SH3GLB1: variants seen among roughly 807,000 people sequenced by gnomAD.
The protein encoded by SH3GLB1 is SH3 domain containing GRB2 like, endophilin B1, also known as endophilin-B1.
In SH3GLB1, 17 loss-of-function variants were observed where a neutral mutation model predicts 42.0. The ratio of observed to expected loss-of-function variants is 0.40; its 90% confidence interval spans 0.28 to 0.61. SH3GLB1 has a LOEUF of 0.61. Among genes scored for constraint, SH3GLB1 ranks in the 20% least tolerant of loss-of-function variants. The probability of loss-of-function intolerance (pLI) is 0.36; values close to 1 mark genes in which losing one functional copy is unlikely to be tolerated. For missense variants in SH3GLB1, 355 were observed against 426.3 expected (o/e 0.83, Z 1.47); for synonymous variants, 132 against 146.6 (o/e 0.90, Z 0.72).
chr1:86,724,913 A>ATATATATATATATATATATAT (rs1553208269), intron 5 of SH3GLB1, among the ~76,000 whole-genome samples: 1 of 122,458 alleles, frequency 8.2e-6, no homozygotes, highest in African/African-American at 3.8e-5. Context: ...ATATATATAT[A>ATATATATATATATATATATAT]AAATATATAA....
chr1:86,739,362 G>T (rs571022233), intron 7 of SH3GLB1, among the ~76,000 whole-genome samples: 1 of 152,206 alleles, frequency 6.6e-6, no homozygotes, highest in African/African-American at 2.4e-5. Flanking sequence ...TGGAAACTAA[G>T]AGTATGGCCT....
chr1:86,722,147 C>G lies in SH3GLB1; in HGVS notation c.344-393C>G, dbSNP rs567211186. The stretch of plus-strand genomic sequence containing the variant: ...ACTGCAGACATATGCCACCACTGTG[C>G]CTGGCTCCTCAGCCATCCTTTTTTT... On this transcript the variant is annotated intron_variant, in intron 3 of 8. Coordinates refer to ENST00000370558, the MANE Select transcript of SH3GLB1 (RefSeq NM_016009.5). 4.0e-5 allele frequency among the ~76,000 whole-genome samples: 6 copies of G among 150,730 alleles called. No homozygotes were observed. The East Asian group carries it at 1.2e-3, about 29-fold the overall frequency.
At chr1:86,715,185 A>G (rs943096345) in intron 1 of SH3GLB1, among the ~76,000 whole-genome samples, 1 of 152,002 alleles carries the variant, frequency 6.6e-6, no homozygotes, top group Non-Finnish European at 1.5e-5. Context: ...CTCTTTCAAA[A>G]CTTAATAATT....
At chr1:86,743,062 C>A in intron 8 of SH3GLB1, 66 bp from the exon 9 acceptor site, 2 of 1,220,760 alleles carry the variant, frequency 1.6e-6, no homozygotes, top group Non-Finnish European at 2.4e-6. Context: ...AAATACAAAT[C>A]TGATTGGTTT....
chr1:86,724,882 A>ATATAT (rs1429770726), intron 5 of SH3GLB1, among the ~76,000 whole-genome samples: 2 of 106,042 alleles, frequency 1.9e-5, no homozygotes, highest in African/African-American at 9.8e-5. Flanking sequence ...TTTAAAAAAA[A>ATATAT]AAAAAAAAAA....
rs1654482986 is a variant in SH3GLB1, at chr1:86,715,750, T to C, written c.99T>C (p.Ala33=). Residue 33 remains alanine, a synonymous_variant, in exon 2 of 9, where the codon GCT becomes GCC. Transcript: ENST00000370558. ...TCACAGAAGAAAAGCTTGGCCAGGC[T>C]GAGAAGACAGAATTGGATGCTCACT... The part of the protein sequence containing the change: ...VQFTEEKLGQ[A]EKTELDAHLE... The C allele has an allele frequency of 6.2e-7, 1 of 1,607,604 alleles. No homozygotes were observed. The highest frequency in any genetic ancestry group is 8.5e-7 in the Non-Finnish European group (1 of 1,178,566).
intron 5 of SH3GLB1, among the ~76,000 whole-genome samples, chr1:86,731,249 G>A (rs903964004): frequency 1.3e-5 from 2 of 152,188 alleles, no homozygotes; most frequent in Non-Finnish European, 2.9e-5. Context: ...ACCAAACTCT[G>A]ACATCCACAT....
chr1:86,733,019 C>G (rs1220434248), intron 5 of SH3GLB1, among the ~76,000 whole-genome samples: 1 of 152,000 alleles, frequency 6.6e-6, no homozygotes, highest in Non-Finnish European at 1.5e-5. Flanking sequence ...CCAAGCAGAA[C>G]AGTTAATAGT....
chr1:86,713,995 T>C (rs955644323), intron 1 of SH3GLB1, among the ~76,000 whole-genome samples: 3 of 152,222 alleles, frequency 2.0e-5, no homozygotes, highest in Non-Finnish European at 4.4e-5. Context: ...AATAAGTATT[T>C]GTTGAAGGAA....
At chr1:86,715,205 C>T (rs973520500) in intron 1 of SH3GLB1, among the ~76,000 whole-genome samples, 11 of 138,140 alleles carry the variant, frequency 8.0e-5, no homozygotes, top group African/African-American at 2.2e-4. Context: ...TACAAGGCAC[C>T]AAACAAAGTG....
chr1:86,719,686 T>A (rs770270274), intron 3 of SH3GLB1, 51 bp downstream of exon 3: 8 of 1,577,982 alleles, frequency 5.1e-6, no homozygotes, highest in Non-Finnish European at 6.9e-6. Context: ...TGTTTAGATT[T>A]ATTAGAGATG....
chr1:86,730,353 C>T, intron 5 of SH3GLB1: 2 of 985,346 alleles, frequency 2.0e-6, no homozygotes, highest in African/African-American at 3.5e-5. Flanking sequence ...ACCTGTTATA[C>T]TAAGTGGTAA....
At chr1:86,734,887 C>T (rs1655703611) in intron 6 of SH3GLB1, among the ~76,000 whole-genome samples, 192 bp from the exon 7 acceptor site, 1 of 152,086 alleles carries the variant, frequency 6.6e-6, no homozygotes, top group Non-Finnish European at 1.5e-5. Context: ...ATTAAATATA[C>T]ATGTTGTTGT....
chr1:86,725,096 G>T lies in SH3GLB1; in HGVS notation c.570+691G>T, dbSNP rs185031376. Among the ~76,000 whole-genome samples the T allele has an allele frequency of 4.1e-3, 617 of 150,274 alleles. 17 individuals are homozygous for T. The highest frequency in any genetic ancestry group is 6.9e-4 in the Non-Finnish European group (47 of 67,674). On this transcript the variant is annotated intron_variant, in intron 5 of 8. Transcript: ENST00000370558. Reference sequence around the variant, plus strand: ...TCATTTTTTTTAAATATCGTCAGTGGTCGCAAATATTTTTGGAGATAGATT... The same window carrying T: ...TCATTTTTTTTAAATATCGTCAGTGTTCGCAAATATTTTTGGAGATAGATT...
chr1:86,734,611 G>A lies in SH3GLB1; in HGVS notation c.580G>A (p.Glu194Lys), dbSNP rs1404546915. 1.9e-6 allele frequency: 3 copies of A among 1,610,552 alleles called. No homozygotes were observed. The highest frequency in any genetic ancestry group is 2.5e-6 in the Non-Finnish European group (3 of 1,177,076). The change falls in exon 6 of 9, where the codon GAA becomes AAA. Residue 194 changes from glutamate to lysine, a missense_variant. Coordinates refer to ENST00000370558, the MANE Select transcript of SH3GLB1 (RefSeq NM_016009.5). ...TATATTCTTACTTAAGTCTGAACAG[G>A]AATTAAGAATAACTCAAAGTGAATT... ...AAETRNSSEQ[E>K]LRITQSEFDR...
rs766651023 is a variant in SH3GLB1 at position 86,724,410 on chromosome 1, G to A, written c.570+5G>A. 1.3e-6 allele frequency: 2 copies of A among 1,573,570 alleles called. No individual in the cohort carries two copies. Among genetic ancestry groups the A allele is most frequent in the East Asian group, 2.3e-5 (1 of 44,024 alleles). ...GCTGCAGAAACTAGAAATTCAGTAAGTAAATAGAAAAATATTTTTGATTAA... is the reference window on the plus strand; with the variant it reads ...GCTGCAGAAACTAGAAATTCAGTAAATAAATAGAAAAATATTTTTGATTAA... On this transcript the variant is annotated splice_donor_5th_base_variant and intron_variant, in intron 5 of 8. Coordinates refer to ENST00000370558, the MANE Select transcript of SH3GLB1 (RefSeq NM_016009.5).
chr1:86,733,272 C>T (rs1278800155), intron 5 of SH3GLB1, among the ~76,000 whole-genome samples: 1 of 152,202 alleles, frequency 6.6e-6, no homozygotes, highest in Non-Finnish European at 1.5e-5. Context: ...TTAGTCCCCT[C>T]TGCTAGGTTT....
intron 7 of SH3GLB1, among the ~76,000 whole-genome samples, chr1:86,741,658 C>T (rs1041910389): frequency 2.6e-5 from 4 of 152,096 alleles, no homozygotes; most frequent in African/African-American, 9.7e-5. Flanking sequence ...TTTCATCTTA[C>T]GTCTTCTGCT....
At chr1:86,724,892 A>AAAATATATATATATATATATAT (rs1291454820) in intron 5 of SH3GLB1, among the ~76,000 whole-genome samples, 24 of 99,630 alleles carry the variant, frequency 2.4e-4, no homozygotes, top group Non-Finnish European at 3.5e-4. Context: ...AAAAAAAAAA[A>AAAATATATATATATATATATAT]ATATATATAT....
Sources: allele counts gnomAD v4.1 joint callset (sites outside exome capture counted in the v4.1 genomes callset), GRCh38; gene constraint gnomAD v4.1.1; transcripts MANE v1.5; gene names NCBI Gene and HGNC (gene_info 2026-07-23, HGNC 2026-07-21).